C10orf67: variants seen among roughly 807,000 people sequenced by gnomAD.
The protein encoded by C10orf67 is uncharacterized protein C10orf67, mitochondrial.
In C10orf67, 60 loss-of-function variants were observed where a neutral mutation model predicts 35.6. The observed-to-expected ratio is 1.68, with a 90% confidence interval of 1.37 to 2.09. The LOEUF (loss-of-function observed/expected upper bound fraction) is 2.09. Among genes scored for constraint, C10orf67 ranks in the 30% most tolerant of loss-of-function variants. C10orf67 has a pLI of 0.00. For missense variants in C10orf67, 474 were observed against 330.2 expected, an observed-to-expected ratio of 1.44 and a Z score of -3.38; for synonymous variants, 167 against 115.8, an observed-to-expected ratio of 1.44 and a Z score of -2.84.
Position 23,202,798 on chromosome 10 carries a change from A to C in C10orf67, c.*1375T>G, listed in dbSNP as rs930653562. 6.6e-6 allele frequency: 1 copy of C among 152,238 alleles called. No individual in the cohort carries two copies. Among genetic ancestry groups the C allele is most frequent in the African/African-American group, 2.4e-5 (1 of 41,456 alleles). The allele number at this position is 152,238 out of a possible 1,614,324, so 9.4% of individuals were successfully genotyped here. A position where few individuals can be genotyped will look rare whatever the true frequency, so the allele number is the denominator to read the frequency against. ...TAAAGTTCTGAAATGAAGCAGTTTG[A>C]TATCACACCCAACCAGGAGGCTGCT... On this transcript the variant is annotated 3_prime_UTR_variant, in exon 16 of 16. Transcript: ENST00000636213.
At chr10:23,234,007 GA>G (rs1179651182) in intron 13 of C10orf67, among the ~76,000 whole-genome samples, 4 of 152,162 alleles carry the variant, frequency 2.6e-5, no homozygotes, top group African/African-American at 9.7e-5. Context: ...GTAAATAAAT[GA>G]AGGTGAGATT....
intron 4 of C10orf67, 36 bp from the exon 5 acceptor site, chr10:23,303,495 A>G: frequency 2.2e-6 from 1 of 459,810 alleles, no homozygotes; most frequent in Non-Finnish European, 4.0e-6. Flanking sequence ...AAAATTAGAC[A>G]CTAAGCATTA....
intron 7 of C10orf67, among the ~76,000 whole-genome samples, chr10:23,288,923 A>G (rs1025291125): frequency 1.3e-5 from 2 of 152,190 alleles, no homozygotes; most frequent in Non-Finnish European, 1.5e-5. Flanking sequence ...TCAGTGCCTC[A>G]GGCATCGTGC....
At chr10:23,250,404 G>T in intron 12 of C10orf67, 51 bp downstream of exon 12, 1 of 397,884 alleles carries the variant, frequency 2.5e-6, no homozygotes, top group Admixed American at 4.4e-5. Context: ...CTTCCTTAAA[G>T]GATGATTAGT....
At chr10:23,217,044 T>C (rs1232959827) in intron 15 of C10orf67, among the ~76,000 whole-genome samples, 1 of 152,226 alleles carries the variant, frequency 6.6e-6, no homozygotes, top group Non-Finnish European at 1.5e-5. Context: ...TGTCTATAAA[T>C]AAAATTATTT....
At chr10:23,238,591 T>G (rs1274098840) in intron 13 of C10orf67, among the ~76,000 whole-genome samples, 1 of 152,206 alleles carries the variant, frequency 6.6e-6, no homozygotes, top group East Asian at 1.9e-4. Context: ...TCACAAAGCC[T>G]GGATAATTCA....
chr10:23,325,229 T>G (rs117352291), intron 2 of C10orf67, among the ~76,000 whole-genome samples: 2,038 of 152,082 alleles, frequency 0.013, 25 homozygotes, highest in Middle Eastern at 0.085. Context: ...TCTCAGCTAC[T>G]TGGGAGGCTG....
At position 23,344,718 on chromosome 10, in the gene C10orf67, C is replaced by T. The variant is rs1226184320; in HGVS notation, c.57G>A (p.Trp19Ter). ...AHYVMSIVIR[W>*]VHCFSSSLRG... ...TCAAGGAGGAGGAAAAGCAGTGAACCCATCTAATAACTATGCTCATGACAT... is the reference window on the plus strand; with the variant it reads ...TCAAGGAGGAGGAAAAGCAGTGAACTCATCTAATAACTATGCTCATGACAT... Residue 19 changes from tryptophan (W) to a stop codon, truncating the protein, a stop_gained, in exon 1 of 16, where the codon TGG (tryptophan) becomes TGA (stop). Coordinates refer to ENST00000636213, the MANE Select transcript of C10orf67 (RefSeq NM_001371909.1). LOFTEE classifies it high-confidence loss of function. 1 of 1,574,186 alleles carries T rather than the reference C, an allele frequency of 6.4e-7. No individual in the cohort carries two copies. Among genetic ancestry groups the T allele is most frequent in the Non-Finnish European group, 8.6e-7 (1 of 1,160,230 alleles).
intron 12 of C10orf67, among the ~76,000 whole-genome samples, chr10:23,243,319 G>A (rs1012033794): frequency 2.0e-5 from 3 of 152,158 alleles, no homozygotes; most frequent in Non-Finnish European, 4.4e-5. Flanking sequence ...GTATGTAAAA[G>A]ATGGAAACAA....
chr10:23,333,812 A>G (rs1845568118), intron 1 of C10orf67, among the ~76,000 whole-genome samples: 1 of 152,142 alleles, frequency 6.6e-6, no homozygotes, highest in South Asian at 2.1e-4. Flanking sequence ...TTGTTTTAGA[A>G]CAATACAGCT....
chr10:23,344,369 C>T, intron 1 of C10orf67, 200 bp downstream of exon 1: 1 of 589,112 alleles, frequency 1.7e-6, no homozygotes, highest in Admixed American at 3.1e-5. Flanking sequence ...GAGGAGGAGG[C>T]GGGGCGGGCT....
chr10:23,323,194 A>G (rs1365372352), intron 2 of C10orf67, among the ~76,000 whole-genome samples: 2 of 152,236 alleles, frequency 1.3e-5, no homozygotes, highest in Non-Finnish European at 2.9e-5. Context: ...TGTGGATTTC[A>G]GATCAGAAAA....
Position 23,224,608 on chromosome 10 carries a change from G to A in C10orf67, c.1435-790C>T, listed in dbSNP as rs377552468. ...CTAAAGGAGGAAGTTAGAACCCATC[G>A]CAAAGAAGCTAAAAACCTTGAAAAA... On this transcript the variant is annotated intron_variant, in intron 13 of 15. Coordinates refer to ENST00000636213, the MANE Select transcript of C10orf67 (RefSeq NM_001371909.1). Among the ~76,000 whole-genome samples the A allele has an allele frequency of 4.5e-4, 69 of 152,242 alleles. 1 individual carries two copies. In the South Asian group the frequency reaches 0.014, roughly 30 times the overall value.
chr10:23,263,427 CTA>C (rs1357796710), intron 10 of C10orf67, among the ~76,000 whole-genome samples: 1 of 152,052 alleles, frequency 6.6e-6, no homozygotes, highest in Admixed American at 6.5e-5. Flanking sequence ...TGCAAGGTGA[CTA>C]TGGTCATAAC....
At chr10:23,292,389 A>G (rs539158671) in intron 5 of C10orf67, among the ~76,000 whole-genome samples, 49 of 152,226 alleles carry the variant, frequency 3.2e-4, no homozygotes, top group Middle Eastern at 3.4e-3. Context: ...GAGATAGAAG[A>G]TTCTACATGC....
intron 10 of C10orf67, among the ~76,000 whole-genome samples, chr10:23,264,056 G>C (rs143117385): frequency 2.0e-5 from 3 of 152,176 alleles, no homozygotes; most frequent in Non-Finnish European, 4.4e-5. Context: ...GATGTACAAA[G>C]TTCCTGTAAC....
rs1460815696 is a variant in C10orf67 at position 23,223,786 on chromosome 10, C to A, written c.1467G>T (p.Thr489=). 2.8e-6 allele frequency: 2 copies of A among 715,300 alleles called. No individual in the cohort carries two copies. Among genetic ancestry groups the A allele is most frequent in the South Asian group, 3.0e-5 (2 of 67,466 alleles). 44.3% of individuals were successfully genotyped at this position (715,300 alleles called of 1,614,324 possible). A position where few individuals can be genotyped will look rare whatever the true frequency, so the allele number is the denominator to read the frequency against. ...TTGAAGAGGATATAGCTGTCATGGT[C>A]GTTCTAGACTGCACTAATAAGGGTT... is the stretch of plus-strand genomic sequence containing the variant. ...KVKPLLVQSR[T]TMTAISSSSH... Residue 489 remains threonine (T), a synonymous_variant, in exon 14 of 16, where the codon ACG becomes ACT. Transcript: ENST00000636213.
intron 15 of C10orf67, among the ~76,000 whole-genome samples, chr10:23,210,771 G>C (rs1192049425): frequency 6.6e-6 from 1 of 152,102 alleles, no homozygotes; most frequent in Non-Finnish European, 1.5e-5. Context: ...TATCTGCTAG[G>C]AAAGTGCAGG....
intron 4 of C10orf67, among the ~76,000 whole-genome samples, chr10:23,314,511 C>G (rs927851489): frequency 6.6e-6 from 1 of 150,610 alleles, no homozygotes; most frequent in Admixed American, 6.6e-5. Flanking sequence ...CACACACACA[C>G]ACACACACAC....
Sources: gnomAD v4.1 joint callset for allele counts (sites outside exome capture counted in the v4.1 genomes callset) on GRCh38, gnomAD v4.1.1 for gene constraint, MANE v1.5 for transcripts, NCBI Gene and HGNC (gene_info 2026-07-23, HGNC 2026-07-21) for gene names.